FAM117B: variants seen among roughly 807,000 people sequenced by gnomAD.
The protein encoded by FAM117B is protein FAM117B.
A neutral mutation model predicts 52.8 loss-of-function variants in FAM117B; 22 were observed. That is an observed-to-expected ratio of 0.42 (90% CI 0.30 to 0.59). FAM117B has a LOEUF of 0.59. Among genes scored for constraint, FAM117B ranks in the 20% least tolerant of loss-of-function variants. FAM117B has a pLI of 0.22. For synonymous variants in FAM117B, 309 were observed against 324.1 expected (o/e 0.95, Z 0.50); for missense variants, 678 against 802.6 (o/e 0.84, Z 1.88).
Position 202,640,702 on chromosome 2 carries a change from G to A in FAM117B, c.601+4914G>A, listed in dbSNP as rs1458742290. Among the ~76,000 whole-genome samples, 5 of 151,522 alleles carry A rather than the reference G, an allele frequency of 3.3e-5. No individual in the cohort carries two copies. The East Asian group carries it at 5.9e-4, about 18-fold the overall frequency. ...TCGGCTCACTGCAACCTCTGCCTCCGGGGTTCGGGTAATTCTCCCGCCTTA... is the reference window on the plus strand; with the variant it reads ...TCGGCTCACTGCAACCTCTGCCTCCAGGGTTCGGGTAATTCTCCCGCCTTA... On this transcript the variant is annotated intron_variant, in intron 1 of 7. Coordinates refer to ENST00000392238, the MANE Select transcript of FAM117B (RefSeq NM_173511.4).
At chr2:202,764,930 A>G (rs991494896) in intron 7 of FAM117B, among the ~76,000 whole-genome samples, 4 of 152,196 alleles carry the variant, frequency 2.6e-5, no homozygotes, top group African/African-American at 9.7e-5. Context: ...AGCCAGGCCT[A>G]CCATAGTTTT....
rs1402528554 is a variant in FAM117B at position 202,635,437 on chromosome 2, G to A, written c.250G>A (p.Gly84Ser). 1.1e-4 allele frequency: 128 copies of A among 1,217,708 alleles called. No homozygotes were observed. The highest frequency in any genetic ancestry group is 1.2e-4 in the Non-Finnish European group (121 of 981,380). 75.4% of individuals were successfully genotyped at this position (1,217,708 alleles called of 1,614,324 possible). A position where few individuals can be genotyped will look rare whatever the true frequency, so the allele number is the denominator to read the frequency against. ...CCCCGCAGGCGGCGGCGGCGGCGGTGGCCCGCGCACCGCCTCGCGCAGCAC... is the reference window on the plus strand; with the variant it reads ...CCCCGCAGGCGGCGGCGGCGGCGGTAGCCCGCGCACCGCCTCGCGCAGCAC... ...SGPAGGGGGG[G>S]PRTASRSTSP... The change falls in exon 1 of 8, where the codon GGC becomes AGC. Residue 84 changes from glycine to serine, a missense_variant. Transcript: ENST00000392238.
intron 2 of FAM117B, among the ~76,000 whole-genome samples, chr2:202,709,963 T>A (rs1690933627): frequency 6.6e-6 from 1 of 152,218 alleles, no homozygotes; most frequent in African/African-American, 2.4e-5. Context: ...ATTTATGGGC[T>A]GTCTATACTG....
intron 4 of FAM117B, among the ~76,000 whole-genome samples, chr2:202,737,166 G>A (rs967551630): frequency 7.9e-5 from 12 of 151,000 alleles, no homozygotes; most frequent in African/African-American, 2.9e-4. Context: ...TACGTGGACT[G>A]AATTAAAAAA....
intron 4 of FAM117B, among the ~76,000 whole-genome samples, chr2:202,740,359 CAAAAAAA>C (rs769846441): frequency 1.2e-3 from 77 of 65,570 alleles, no homozygotes; most frequent in African/African-American, 3.9e-3. Flanking sequence ...GACTCTGCCT[CAAAAAAA>C]AAAAAAAAAA....
chr2:202,715,186 G>A (rs1000639622), intron 2 of FAM117B, among the ~76,000 whole-genome samples: 5 of 150,442 alleles, frequency 3.3e-5, no homozygotes, highest in East Asian at 2.0e-4. Flanking sequence ...CCTCCCGGAC[G>A]GGTCGGCTGG....
At chr2:202,690,667 A>G (rs1690607042) in intron 1 of FAM117B, among the ~76,000 whole-genome samples, 1 of 152,226 alleles carries the variant, frequency 6.6e-6, no homozygotes, top group African/African-American at 2.4e-5. Context: ...AGGGCACAGT[A>G]CATACTGGGA....
At position 202,691,330 on chromosome 2, in the gene FAM117B, A is replaced by T. The variant is rs558226753; in HGVS notation, c.602-4551A>T. ...GCTACTTGGGAGGCTGAGGCAGGAG[A>T]ATTGCTTGAACTTGGGAGGTGGAGG... is the stretch of plus-strand genomic sequence containing the variant. On this transcript the variant is annotated intron_variant, in intron 1 of 7. Coordinates refer to ENST00000392238, the MANE Select transcript of FAM117B (RefSeq NM_173511.4). Among the ~76,000 whole-genome samples the T allele has an allele frequency of 2.6e-5, 4 of 152,124 alleles. No individual in the cohort carries two copies. The East Asian group carries it at 5.8e-4, about 22-fold the overall frequency.
At position 202,740,173 on chromosome 2, in the gene FAM117B, C is replaced by CAAAAAAAAAAA. The variant is rs1358404767; in HGVS notation, c.960+13810_960+13811insAAAAAAAAAAA. 6.6e-3 allele frequency among the ~76,000 whole-genome samples: 460 copies of CAAAAAAAAAAA among 69,670 alleles called. 160 individuals carry two copies. The highest frequency in any genetic ancestry group is 0.013 in the East Asian group (32 of 2,420). 45.7% of individuals were successfully genotyped at this position (69,670 alleles called of 152,430 possible). On this transcript the variant is annotated intron_variant, in intron 4 of 7. Coordinates refer to ENST00000392238, the MANE Select transcript of FAM117B (RefSeq NM_173511.4). ...GGAGGACAGAGCGAGACTTCATCCC[C>CAAAAAAAAAAA]CAAAAAAAAAAAAAAAAAAAAAAAA...
chr2:202,689,088 T>C (rs1049895883), intron 1 of FAM117B, among the ~76,000 whole-genome samples: 3 of 152,228 alleles, frequency 2.0e-5, no homozygotes, highest in Non-Finnish European at 2.9e-5. Flanking sequence ...ACCTCATTTA[T>C]ATAAAATCAT....
chr2:202,652,558 G>A (rs1206309107), intron 1 of FAM117B, among the ~76,000 whole-genome samples: 3 of 152,148 alleles, frequency 2.0e-5, no homozygotes, highest in Non-Finnish European at 2.9e-5. Flanking sequence ...TAGTATTACC[G>A]AAAAGAGTAG....
intron 1 of FAM117B, among the ~76,000 whole-genome samples, chr2:202,660,644 C>T (rs1690114896): frequency 6.6e-6 from 1 of 152,126 alleles, no homozygotes; most frequent in African/African-American, 2.4e-5. Flanking sequence ...ACTCTGTTTC[C>T]CAGGAGATCT....
intron 1 of FAM117B, among the ~76,000 whole-genome samples, chr2:202,655,157 AG>A (rs1690032610): frequency 6.6e-6 from 1 of 152,166 alleles, no homozygotes; most frequent in African/African-American, 2.4e-5. Flanking sequence ...TCATTCACTT[AG>A]CATAGTGCAT....
chr2:202,679,243 A>G (rs1690427321), intron 1 of FAM117B, among the ~76,000 whole-genome samples: 1 of 152,198 alleles, frequency 6.6e-6, no homozygotes, highest in Non-Finnish European at 1.5e-5. Context: ...GGTGAGCACT[A>G]TGATTGCCTT....
At chr2:202,764,303 T>C (rs548523425) in intron 7 of FAM117B, among the ~76,000 whole-genome samples, 1 of 152,250 alleles carries the variant, frequency 6.6e-6, no homozygotes, top group African/African-American at 2.4e-5. Flanking sequence ...CTTGCTCTGC[T>C]GTCCAGGCTG....
In FAM117B at chr2:202,726,322, T is replaced by C. The variant is rs1485629678; in HGVS notation, c.919T>C (p.Ser307Pro). 1 of 1,613,536 alleles carries C rather than the reference T, an allele frequency of 6.2e-7. No homozygotes were observed. Among genetic ancestry groups the C allele is most frequent in the East Asian group, 2.2e-5 (1 of 44,830 alleles). The change falls in exon 4 of 8, where the codon TCT becomes CCT. Residue 307 changes from serine (S) to proline (P), a missense_variant. Physicochemically the swap from Ser to Pro is moderately conservative, Grantham distance 74. Coordinates refer to ENST00000392238, the MANE Select transcript of FAM117B (RefSeq NM_173511.4). ...SRHHRDKERQ[S>P]PFHGNHAAIN... ...GCATCATCGAGATAAAGAAAGACAGTCTCCATTTCATGGCAACCATGCAGC... is the reference window on the plus strand; with the variant it reads ...GCATCATCGAGATAAAGAAAGACAGCCTCCATTTCATGGCAACCATGCAGC...
At chr2:202,680,917 A>G (rs1168492606) in intron 1 of FAM117B, among the ~76,000 whole-genome samples, 1 of 152,238 alleles carries the variant, frequency 6.6e-6, no homozygotes, top group Non-Finnish European at 1.5e-5. Flanking sequence ...ATTAATGGTA[A>G]GATAAAAGGA....
At position 202,672,948 on chromosome 2, in the gene FAM117B, T is replaced by C. The variant is rs116642142; in HGVS notation, c.602-22933T>C. 9.5e-3 allele frequency among the ~76,000 whole-genome samples: 1,447 copies of C among 152,218 alleles called. 20 individuals are homozygous for C. The highest frequency in any genetic ancestry group is 0.033 in the African/African-American group (1,363 of 41,548). ...CTGTAGTTCCAGCTACTCTGGAGGA[T>C]GAGGTGGGCGGATTGCTTGAGCCTG... On this transcript the variant is annotated intron_variant, in intron 1 of 7. Coordinates refer to ENST00000392238, the MANE Select transcript of FAM117B (RefSeq NM_173511.4).
chr2:202,746,961 AAC>A (rs148488769), intron 4 of FAM117B, among the ~76,000 whole-genome samples: 44,384 of 116,980 alleles, frequency 0.38, 6,966 homozygotes, highest in Middle Eastern at 0.48. Context: ...AAAAAAACAA[AAC>A]AAAAAAAAAC....
Sources: gnomAD v4.1 joint callset for allele counts (sites outside exome capture counted in the v4.1 genomes callset) on GRCh38, gnomAD v4.1.1 for gene constraint, MANE v1.5 for transcripts, NCBI Gene and HGNC (gene_info 2026-07-23, HGNC 2026-07-21) for gene names.